TACC1: variants seen among roughly 807,000 people sequenced by gnomAD.
The protein encoded by TACC1 is transforming acidic coiled-coil containing protein 1.
A neutral mutation model predicts 84.4 loss-of-function variants in TACC1; 48 were observed. The observed-to-expected ratio is 0.57, with a 90% CI of 0.45 to 0.72. TACC1 has a LOEUF of 0.72. TACC1 is among the 30% of genes least tolerant of loss of function. The probability of loss-of-function intolerance (pLI) is 0.00; values close to 1 mark genes in which losing one functional copy is unlikely to be tolerated. For missense variants in TACC1, 920 were observed against 973.0 expected, an observed-to-expected ratio of 0.95 and a Z score of 0.72; for synonymous variants, 372 against 376.3, an observed-to-expected ratio of 0.99 and a Z score of 0.13.
intron 2 of TACC1, among the ~76,000 whole-genome samples, chr8:38,806,460 G>A (rs1563646227): frequency 6.6e-6 from 1 of 151,480 alleles, no homozygotes; most frequent in Non-Finnish European, 1.5e-5. Context: ...GTGTGTGTGT[G>A]TATGTGTGTG....
In TACC1 at chr8:38,852,447, C is replaced by CTAAAAAA. The variant is rs1351869450; in HGVS notation, c.*4424_*4425insTAAAAAA. The CTAAAAAA allele has an allele frequency of 6.5e-6, 1 of 153,082 alleles. No individual in the cohort carries two copies. The highest frequency in any genetic ancestry group is 6.5e-5 in the Admixed American group (1 of 15,442). The allele number at this position is 153,082 out of a possible 1,614,324, so 9.5% of individuals were successfully genotyped here. A position where few individuals can be genotyped will look rare whatever the true frequency, so the allele number is the denominator to read the frequency against. On this transcript the variant is annotated 3_prime_UTR_variant, in exon 13 of 13. Coordinates refer to ENST00000317827, the MANE Select transcript of TACC1 (RefSeq NM_006283.3). ...CAAGATGTCACTTTCTCCCCCTCTG[C>CTAAAAAA]CTTTTAGTGGTATCTGACATATACT...
intron 1 of TACC1, among the ~76,000 whole-genome samples, chr8:38,738,443 GTCTCT>G (rs1806408861): frequency 2.0e-5 from 3 of 152,068 alleles, no homozygotes; most frequent in African/African-American, 7.2e-5. Context: ...ATGGACATTT[GTCTCT>G]TCTCTTCATT....
chr8:38,799,297 A>G (rs1372475336), intron 2 of TACC1, among the ~76,000 whole-genome samples: 1 of 152,262 alleles, frequency 6.6e-6, no homozygotes, highest in Admixed American at 6.5e-5. Flanking sequence ...CCTTCTCAGT[A>G]TGCGACAGAT....
chr8:38,770,033 C>A (rs1181586807), intron 3 of TACC1, among the ~76,000 whole-genome samples: 2 of 148,234 alleles, frequency 1.3e-5, no homozygotes, highest in Admixed American at 1.3e-4. Context: ...TGTGACTGTG[C>A]ATGCGTGTGG....
chr8:38,778,026 A>G (rs1466530132), intron 3 of TACC1, among the ~76,000 whole-genome samples: 1 of 152,192 alleles, frequency 6.6e-6, no homozygotes, highest in Non-Finnish European at 1.5e-5. Context: ...AGGCTCTACC[A>G]TGGTGATCTT....
rs1432830933 is a variant in TACC1, at chr8:38,820,551, C to A, written c.1307C>A (p.Thr436Lys). The change falls in exon 3 of 13, where the codon ACA becomes AAA. Residue 436 changes from threonine to lysine, a missense_variant. By Grantham distance (78) the Thr-to-Lys change is moderately conservative (BLOSUM62 -1). This residue lies in a region of TACC1 where 762 missense variants were observed against 747.3 expected (regional missense o/e 1.02). Coordinates refer to ENST00000317827, the MANE Select transcript of TACC1 (RefSeq NM_006283.3). ...MDPFKPTTTL[T>K]SSDFCSPTGN... ...CCCTTTAAACCAACTACGACCTTAACAAGCAGTGACTTTTGTTCTCCCACT... is the reference window on the plus strand; with the variant it reads ...CCCTTTAAACCAACTACGACCTTAAAAAGCAGTGACTTTTGTTCTCCCACT... 1.2e-6 allele frequency: 2 copies of A among 1,614,118 alleles called. No homozygotes were observed. Among genetic ancestry groups the A allele is most frequent in the East Asian group, 4.5e-5 (2 of 44,876 alleles).
chr8:38,768,297 A>G (rs1026158021), intron 3 of TACC1, among the ~76,000 whole-genome samples: 1 of 152,208 alleles, frequency 6.6e-6, no homozygotes, highest in African/African-American at 2.4e-5. Context: ...TCCCTTCTGC[A>G]GTCGTTCAGT....
chr8:38,748,013 G>A (rs1270454021), intron 3 of TACC1, among the ~76,000 whole-genome samples: 1 of 151,912 alleles, frequency 6.6e-6, no homozygotes, highest in African/African-American at 2.4e-5. Flanking sequence ...ATCTAAAACT[G>A]CTCTAAAAAA....
intron 3 of TACC1, among the ~76,000 whole-genome samples, chr8:38,756,228 T>C (rs925926445): frequency 1.3e-5 from 2 of 152,056 alleles, no homozygotes; most frequent in South Asian, 4.2e-4. Flanking sequence ...CCTGCATCCA[T>C]CACCAATTGT....
At chr8:38,797,384 T>G (rs1475059717) in intron 2 of TACC1, among the ~76,000 whole-genome samples, 1 of 152,250 alleles carries the variant, frequency 6.6e-6, no homozygotes, top group Admixed American at 6.5e-5. Flanking sequence ...GTATACATTC[T>G]TAGATGGCAA....
intron 3 of TACC1, among the ~76,000 whole-genome samples, chr8:38,756,940 G>A (rs956112054): frequency 5.3e-5 from 8 of 152,014 alleles, no homozygotes; most frequent in Non-Finnish European, 1.2e-4. Flanking sequence ...CGGACCCAGC[G>A]GGCGGAGAGG....
At chr8:38,738,787 G>C (rs2151656054) in intron 1 of TACC1, among the ~76,000 whole-genome samples, 1 of 152,234 alleles carries the variant, frequency 6.6e-6, no homozygotes, top group East Asian at 1.9e-4. Flanking sequence ...TTGGTGCATG[G>C]TGTTGAAAAC....
At chr8:38,784,201 T>A (rs1354837227), upstream of TACC1, among the ~76,000 whole-genome samples, 1 of 152,192 alleles carries the variant, frequency 6.6e-6, no homozygotes, top group Non-Finnish European at 1.5e-5. Flanking sequence ...TATTCATTAC[T>A]GCTTACACTA....
chr8:38,773,836 G>T (rs1422959527), intron 3 of TACC1, among the ~76,000 whole-genome samples: 1 of 152,072 alleles, frequency 6.6e-6, no homozygotes, highest in Non-Finnish European at 1.5e-5. Flanking sequence ...AAAGTACTTT[G>T]AAAAAGAGGG....
At chr8:38,792,615 A>G (rs1276277723) in intron 2 of TACC1, among the ~76,000 whole-genome samples, 1 of 152,058 alleles carries the variant, frequency 6.6e-6, no homozygotes, top group Admixed American at 6.5e-5. Context: ...ACAGGCGCCC[A>G]CCACTACGCC....
chr8:38,775,800 G>C (rs556761536), intron 3 of TACC1, among the ~76,000 whole-genome samples: 2 of 152,310 alleles, frequency 1.3e-5, no homozygotes, highest in South Asian at 4.1e-4. Flanking sequence ...TTGGCCAAAG[G>C]AAACAGAAAA....
At chr8:38,774,343 A>G (rs1426277328) in intron 3 of TACC1, among the ~76,000 whole-genome samples, 1 of 152,240 alleles carries the variant, frequency 6.6e-6, no homozygotes, top group Non-Finnish European at 1.5e-5. Context: ...CTATGAGGGC[A>G]GGAACTGGGT....
intron 1 of TACC1, among the ~76,000 whole-genome samples, chr8:38,736,790 G>GCC (rs1358283325): frequency 1.3e-5 from 2 of 152,108 alleles, no homozygotes; most frequent in Non-Finnish European, 2.9e-5. Flanking sequence ...CAAAAGTAGT[G>GCC]ACCAGTCTCT....
rs537833215 is a variant in TACC1, at chr8:38,758,432, C to T, written c.26+12939C>T. On this transcript the variant is annotated intron_variant, in intron 3 of 14. Transcript: ENST00000518415. ...TTGGCTCACGCCTGTAATCCCAGCACTTTGGGAGGCCGAGGGGGGCAGATC... is the reference window on the plus strand; with the variant it reads ...TTGGCTCACGCCTGTAATCCCAGCATTTTGGGAGGCCGAGGGGGGCAGATC... Among the ~76,000 whole-genome samples, 150 of 152,248 alleles carry T rather than the reference C, an allele frequency of 9.9e-4. 5 individuals carry two copies. In the South Asian group the frequency reaches 0.03, roughly 31 times the overall value.
Sources: gnomAD v4.1 joint callset for allele counts (sites outside exome capture counted in the v4.1 genomes callset) on GRCh38, gnomAD v4.1.1 for gene constraint, gnomAD v4.1.1 regional missense constraint, MANE v1.5 for transcripts, NCBI Gene and HGNC (gene_info 2026-07-23, HGNC 2026-07-21) for gene names.